PAPPA2: variants seen among roughly 807,000 people sequenced by gnomAD.
The protein encoded by PAPPA2 is pappalysin 2.
A neutral mutation model predicts 176.4 loss-of-function variants in PAPPA2; 86 were observed. The ratio of observed to expected loss-of-function variants is 0.49; its 90% CI spans 0.41 to 0.58. The LOEUF is 0.58. PAPPA2 is among the 20% of genes least tolerant of loss of function. The pLI, the probability that PAPPA2 is intolerant of heterozygous loss-of-function variation, is 0.00. For synonymous variants in PAPPA2, 809 were observed against 852.2 expected, an observed-to-expected ratio of 0.95 and a Z score of 0.88; for missense variants, 2,073 against 2,256.9, an observed-to-expected ratio of 0.92 and a Z score of 1.65.
At position 176,789,939 on chromosome 1, in the gene PAPPA2, A is replaced by G; in HGVS notation, c.4846A>G (p.Ser1616Gly). 1.2e-6 allele frequency: 2 copies of G among 1,614,212 alleles called. No individual in the cohort carries two copies. The highest frequency in any genetic ancestry group is 1.7e-6 in the Non-Finnish European group (2 of 1,180,010). The change falls in exon 18 of 23, where the codon AGC (serine) becomes GGC (glycine). Residue 1616 changes from serine (S) to glycine (G), a missense_variant. Transcript: ENST00000367662. The part of the protein sequence containing the change: ...YECTNGFSLD[S>G]QCVLNCNQER... ...ATGTACCAATGGCTTCAGCCTGGAC[A>G]GCCAGTGTGTGCTCAACTGTAACCA...
At chr1:176,699,625 G>T in intron 8 of PAPPA2, 36 bp downstream of exon 8, 1 of 1,548,896 alleles carries the variant, frequency 6.5e-7, no homozygotes, top group Non-Finnish European at 8.7e-7. Flanking sequence ...GCTTCCTGAG[G>T]CTCTGGGGGT....
intron 2 of PAPPA2, among the ~76,000 whole-genome samples, chr1:176,565,818 T>C (rs1288533036): frequency 1.3e-5 from 2 of 152,210 alleles, no homozygotes; most frequent in East Asian, 3.9e-4. Flanking sequence ...GAGAGACATC[T>C]GGGCTCTGAT....
At chr1:176,653,703 C>A (rs1657875180) in intron 3 of PAPPA2, among the ~76,000 whole-genome samples, 1 of 151,634 alleles carries the variant, frequency 6.6e-6, no homozygotes, top group South Asian at 2.1e-4. Context: ...TGGTTTATGC[C>A]CAATACCTTT....
chr1:176,623,605 TCC>T (rs1483257784), intron 3 of PAPPA2, among the ~76,000 whole-genome samples: 1,794 of 142,752 alleles, frequency 0.013, 10 homozygotes, highest in East Asian at 0.017. Flanking sequence ...CTTCCTTCCT[TCC>T]TTCCTTCCTT....
At chr1:176,548,199 T>G (rs1295718784) in intron 1 of PAPPA2, among the ~76,000 whole-genome samples, 1 of 152,220 alleles carries the variant, frequency 6.6e-6, no homozygotes, top group Non-Finnish European at 1.5e-5. Context: ...TGTATTTATC[T>G]TGTATGATTC....
chr1:176,690,628 A>ACTT, intron 5 of PAPPA2, 198 bp downstream of exon 5: 3 of 1,379,858 alleles, frequency 2.2e-6, no homozygotes, highest in Non-Finnish European at 2.8e-6. Flanking sequence ...ATATTAAGGT[A>ACTT]CTTTGTTCAC....
At chr1:176,801,579 C>T (rs1665686488) in intron 21 of PAPPA2, among the ~76,000 whole-genome samples, 1 of 152,056 alleles carries the variant, frequency 6.6e-6, no homozygotes, top group Admixed American at 6.6e-5. Context: ...ATTAGAAAAA[C>T]AGATGGCAGT....
At chr1:176,778,265 T>C (rs1311956398) in intron 17 of PAPPA2, among the ~76,000 whole-genome samples, 2 of 152,116 alleles carry the variant, frequency 1.3e-5, no homozygotes, top group Non-Finnish European at 2.9e-5. Context: ...ACAACTCAAG[T>C]ACTACAGTGG....
chr1:176,819,416 T>C (rs1666564297), intron 21 of PAPPA2, among the ~76,000 whole-genome samples: 1 of 152,170 alleles, frequency 6.6e-6, no homozygotes, highest in South Asian at 2.1e-4. Context: ...TCTTCAGCTA[T>C]TTGAAGGCTG....
At chr1:176,753,485 T>G (rs1264616320) in intron 14 of PAPPA2, among the ~76,000 whole-genome samples, 1 of 150,252 alleles carries the variant, frequency 6.7e-6, no homozygotes, top group East Asian at 2.0e-4. Flanking sequence ...TTCTTCTTCC[T>G]CTGCTCAGTC....
Position 176,826,276 on chromosome 1 carries a change from G to A in PAPPA2, c.5203-13897G>A, listed in dbSNP as rs190268744. ...GACAACCTGTTAGGAACCCTTTCTG[G>A]GCTTGCAAGATTTAAACCAGAATAA... On this transcript the variant is annotated intron_variant, in intron 21 of 22. Coordinates refer to ENST00000367662, the MANE Select transcript of PAPPA2 (RefSeq NM_020318.3). Among the ~76,000 whole-genome samples, 464 of 152,270 alleles carry A rather than the reference G, an allele frequency of 3.0e-3. 4 individuals are homozygous for A. The highest frequency in any genetic ancestry group is 3.0e-3 in the Non-Finnish European group (204 of 68,026).
chr1:176,581,970 C>T (rs1653005810), intron 2 of PAPPA2, among the ~76,000 whole-genome samples: 1 of 131,864 alleles, frequency 7.6e-6, no homozygotes, highest in Non-Finnish European at 1.5e-5. Context: ...GTTGCCCAGG[C>T]TGGAGTGCAG....
chr1:176,548,614 C>A (rs142805453), intron 1 of PAPPA2, among the ~76,000 whole-genome samples: 107 of 152,064 alleles, frequency 7.0e-4, no homozygotes, highest in African/African-American at 2.5e-3. Flanking sequence ...TGAGTGAGAG[C>A]TCTGGAAACG....
At position 176,739,700 on chromosome 1, in the gene PAPPA2, G is replaced by A. The variant is rs759930112; in HGVS notation, c.3873G>A (p.Glu1291=). 2 of 1,613,678 alleles carry A rather than the reference G, an allele frequency of 1.2e-6. No individual in the cohort carries two copies. The highest frequency in any genetic ancestry group is 1.1e-5 in the South Asian group (1 of 91,066). Residue 1291 remains glutamate (E), a synonymous_variant, in exon 13 of 23, where the codon GAG becomes GAA. Transcript: ENST00000367662. ...FLTTDGLVPG[E]HQQPTVTLYL... ...CAACTGATGGCCTAGTTCCCGGAGA[G>A]CATCAGCAGCCGACAGTGACTCTCT... is the stretch of plus-strand genomic sequence containing the variant.
intron 1 of PAPPA2, among the ~76,000 whole-genome samples, chr1:176,504,102 C>A (rs1648115252): frequency 6.6e-6 from 1 of 152,050 alleles, no homozygotes. Flanking sequence ...GGTTCCATAT[C>A]TTTACCCTCT....
chr1:176,637,866 A>G (rs988752035), intron 3 of PAPPA2, among the ~76,000 whole-genome samples: 4 of 151,268 alleles, frequency 2.6e-5, no homozygotes, highest in African/African-American at 9.7e-5. Context: ...TTTTTGTAAA[A>G]CTCATTTTTC....
chr1:176,467,414 G>C lies in PAPPA2; in HGVS notation c.-917+3996G>C, dbSNP rs1296598419. Reference sequence around the variant, plus strand: ...TTAGAAGTGTTGGCATGTTGCATTTGTTGGAAACAGAGAATAGCACTTGCC... The same window carrying C: ...TTAGAAGTGTTGGCATGTTGCATTTCTTGGAAACAGAGAATAGCACTTGCC... On this transcript the variant is annotated intron_variant, in intron 1 of 22. Coordinates refer to ENST00000367662, the MANE Select transcript of PAPPA2 (RefSeq NM_020318.3). 2.0e-5 allele frequency among the ~76,000 whole-genome samples: 3 copies of C among 152,152 alleles called. No individual in the cohort carries two copies. The South Asian group carries it at 6.2e-4, about 32-fold the overall frequency.
intron 2 of PAPPA2, among the ~76,000 whole-genome samples, chr1:176,567,043 C>T (rs1484967486): frequency 6.6e-6 from 1 of 152,172 alleles, no homozygotes; most frequent in East Asian, 1.9e-4. Flanking sequence ...TTTGTTTCAG[C>T]TCACATCATA....
chr1:176,641,925 A>G (rs1657118239), intron 3 of PAPPA2, among the ~76,000 whole-genome samples: 1 of 151,920 alleles, frequency 6.6e-6, no homozygotes, highest in East Asian at 1.9e-4. Context: ...ACAATTTTGC[A>G]TCAAAGCCAG....
Sources: gnomAD v4.1 joint callset for allele counts (sites outside exome capture counted in the v4.1 genomes callset) on GRCh38, gnomAD v4.1.1 for gene constraint, MANE v1.5 for transcripts, NCBI Gene and HGNC (gene_info 2026-07-23, HGNC 2026-07-21) for gene names.